Variants in KALRN observed in about 807,000 individuals in gnomAD.
KALRN encodes kalirin RhoGEF kinase, also known as kalirin.
KALRN carries 70 observed loss-of-function variants against 353.7 expected under a neutral mutation model. The observed-to-expected ratio is 0.20, with a 90% CI of 0.16 to 0.24. The LOEUF is 0.24. Ranked by LOEUF, KALRN falls within the 10% of genes least tolerant of loss-of-function variation. The probability of loss-of-function intolerance (pLI) is 1.00; values close to 1 mark genes in which losing one functional copy is unlikely to be tolerated. For synonymous variants in KALRN, 1,391 were observed against 1,434.8 expected, an observed-to-expected ratio of 0.97 and a Z score of 0.69; for missense variants, 2,791 against 3,756.7, an observed-to-expected ratio of 0.74 and a Z score of 6.72.
At chr3:124,208,040 C>A (rs880001) in intron 1 of KALRN, among the ~76,000 whole-genome samples, 1 of 151,978 alleles carries the variant, frequency 6.6e-6, no homozygotes, top group Admixed American at 6.5e-5. Context: ...CGCTTTCCCC[C>A]CCAGTTCAGT....
At chr3:124,174,091 C>G (rs1375530713) in intron 1 of KALRN, among the ~76,000 whole-genome samples, 1 of 152,112 alleles carries the variant, frequency 6.6e-6, no homozygotes, top group Non-Finnish European at 1.5e-5. Flanking sequence ...CAAAAAATTC[C>G]TGGTACTTCC....
intron 1 of KALRN, among the ~76,000 whole-genome samples, chr3:124,076,211 C>A (rs116576254): frequency 0.014 from 2,109 of 152,256 alleles, 34 homozygotes; most frequent in Non-Finnish European, 0.019. Context: ...TCTGTGTGAG[C>A]AGGAGATGCA....
intron 14 of KALRN, among the ~76,000 whole-genome samples, chr3:124,421,139 G>C (rs1307750338): frequency 6.6e-6 from 1 of 152,170 alleles, no homozygotes; most frequent in Admixed American, 6.5e-5. Flanking sequence ...AAAGGACTTG[G>C]ACAGAACTAA....
intron 1 of KALRN, among the ~76,000 whole-genome samples, chr3:124,070,110 G>A (rs1055947575): frequency 5.3e-5 from 8 of 152,208 alleles, no homozygotes; most frequent in Non-Finnish European, 1.0e-4. Flanking sequence ...ATGAGACGAA[G>A]ATAGGATTAC....
At chr3:124,422,715 G>A (rs777660839) in intron 14 of KALRN, 97 bp from the exon 15 acceptor site, 9 of 971,150 alleles carry the variant, frequency 9.3e-6, no homozygotes, top group Non-Finnish European at 1.2e-5. Context: ...ATGAATAATG[G>A]CTGTTTCCAA....
intron 51 of KALRN, among the ~76,000 whole-genome samples, chr3:124,693,548 A>G (rs572531990): frequency 2.6e-5 from 4 of 152,302 alleles, no homozygotes; most frequent in African/African-American, 9.6e-5. Flanking sequence ...CCAAGTTACA[A>G]TAAACCTGCC....
intron 59 of KALRN, 75 bp downstream of exon 59, chr3:124,717,460 G>A (rs984925664): frequency 4.7e-6 from 5 of 1,055,992 alleles, no homozygotes; most frequent in Non-Finnish European, 5.4e-6. Flanking sequence ...GCCAAGGTGG[G>A]CGGATCACAA....
chr3:124,207,542 A>G (rs375391613), intron 1 of KALRN, among the ~76,000 whole-genome samples: 51 of 152,218 alleles, frequency 3.4e-4, no homozygotes, highest in Non-Finnish European at 5.4e-4. Context: ...TGTCCTATCC[A>G]GGGTGACTTG....
chr3:124,272,857 G>T (rs888507600), intron 5 of KALRN, among the ~76,000 whole-genome samples: 1 of 152,154 alleles, frequency 6.6e-6, no homozygotes. Context: ...TTTGGAAGGG[G>T]GTGAAGAGGG....
At chr3:124,564,568 T>C (rs2072552054) in intron 34 of KALRN, among the ~76,000 whole-genome samples, 1 of 151,934 alleles carries the variant, frequency 6.6e-6, no homozygotes, top group Non-Finnish European at 1.5e-5. Flanking sequence ...TTCCAGCTAC[T>C]CAGTGGGGGG....
At chr3:124,109,461 T>G (rs1057514885) in intron 1 of KALRN, among the ~76,000 whole-genome samples, 2 of 152,042 alleles carry the variant, frequency 1.3e-5, no homozygotes, top group Non-Finnish European at 2.9e-5. Context: ...CAAATCACCT[T>G]TCTTTTGGTT....
intron 1 of KALRN, among the ~76,000 whole-genome samples, chr3:124,109,214 C>A (rs985177182): frequency 6.6e-6 from 1 of 151,628 alleles, no homozygotes; most frequent in African/African-American, 2.4e-5. Flanking sequence ...TTCTTCTTTC[C>A]ATTTGAGATC....
chr3:124,701,152 T>C (rs1372607200), intron 56 of KALRN, among the ~76,000 whole-genome samples: 7 of 152,150 alleles, frequency 4.6e-5, no homozygotes, highest in Admixed American at 4.6e-4. Context: ...TGAACCTTGG[T>C]CCCCAACAGA....
intron 52 of KALRN, 55 bp from the exon 53 acceptor site, chr3:124,694,277 C>T (rs2061956378): frequency 5.1e-6 from 8 of 1,553,686 alleles, no homozygotes; most frequent in South Asian, 1.2e-5. Flanking sequence ...ACAAAATGGC[C>T]ATTTTATTCT....
At chr3:124,260,228 G>A (rs2072647233) in intron 3 of KALRN, among the ~76,000 whole-genome samples, 1 of 152,208 alleles carries the variant, frequency 6.6e-6, no homozygotes, top group Non-Finnish European at 1.5e-5. Flanking sequence ...AATAAAACAT[G>A]TTCTGTCCTT....
intron 1 of KALRN, among the ~76,000 whole-genome samples, chr3:124,043,729 A>C (rs934202275): frequency 6.6e-6 from 1 of 152,112 alleles, no homozygotes; most frequent in African/African-American, 2.4e-5. Context: ...TGGGCAGAGA[A>C]GCTAAGAAGC....
At chr3:124,631,203 G>C (rs922561887) in intron 34 of KALRN, among the ~76,000 whole-genome samples, 1 of 152,080 alleles carries the variant, frequency 6.6e-6, no homozygotes, top group African/African-American at 2.4e-5. Context: ...TTAGTCTTTG[G>C]ACTTTGTCTT....
intron 47 of KALRN, among the ~76,000 whole-genome samples, chr3:124,667,682 T>C (rs1223601720): frequency 1.3e-5 from 2 of 152,188 alleles, no homozygotes; most frequent in Non-Finnish European, 2.9e-5. Flanking sequence ...AAATGAGAGA[T>C]GATTGCTAAC....
intron 3 of KALRN, 74 bp downstream of exon 3, chr3:124,235,017 C>T (rs746966916): frequency 1.7e-4 from 174 of 1,033,224 alleles, no homozygotes; most frequent in Non-Finnish European, 2.4e-4. Flanking sequence ...AAGGAGCCTC[C>T]ATCCCTGCCA....
Sources: gnomAD v4.1 joint callset for allele counts (sites outside exome capture counted in the v4.1 genomes callset) on GRCh38, gnomAD v4.1.1 for gene constraint, MANE v1.5 for transcripts, NCBI Gene and HGNC (gene_info 2026-07-23, HGNC 2026-07-21) for gene names.